The following PHTF2 variants were observed in gnomAD, a reference collection of about 807,000 sequenced individuals.
PHTF2 encodes protein PHTF2.
PHTF2 carries 60 observed loss-of-function variants against 101.2 expected under a neutral mutation model. The observed-to-expected ratio is 0.59, with a 90% CI of 0.48 to 0.73. The LOEUF is 0.73. PHTF2 is among the 30% of genes least tolerant of loss of function. The pLI is 0.00. For synonymous variants in PHTF2, 311 were observed against 307.3 expected (o/e 1.01, Z -0.13); for missense variants, 747 against 908.7 (o/e 0.82, Z 2.29).
chr7:77,839,768 C>G (rs1795727799), intron 1 of PHTF2, among the ~76,000 whole-genome samples: 1 of 152,036 alleles, frequency 6.6e-6, no homozygotes, highest in Admixed American at 6.6e-5. Flanking sequence ...TTTGTGTTTA[C>G]TGAGTGTCAG....
chr7:77,854,053 A>G lies in PHTF2; in HGVS notation c.46-680A>G, dbSNP rs548556437. 3.3e-5 allele frequency among the ~76,000 whole-genome samples: 5 copies of G among 152,224 alleles called. No individual in the cohort carries two copies. In the South Asian group the frequency reaches 1.0e-3, roughly 32 times the overall value. ...GTTAGGTATTTATTGTATTCTTTGT[A>G]TCCTGGGTTTGTTTGTACCTATCCT... On this transcript the variant is annotated intron_variant, in intron 2 of 19. Coordinates refer to ENST00000416283, the Ensembl canonical transcript of PHTF2.
chr7:77,908,508 A>G (rs2150860556), intron 7 of PHTF2, among the ~76,000 whole-genome samples: 1 of 152,288 alleles, frequency 6.6e-6, no homozygotes, highest in East Asian at 1.9e-4. Context: ...TTACTTAGAA[A>G]TGTCCTTTGA....
chr7:77,902,366 T>G (rs1440728903), intron 7 of PHTF2, among the ~76,000 whole-genome samples: 2 of 152,198 alleles, frequency 1.3e-5, no homozygotes, highest in Non-Finnish European at 2.9e-5. Flanking sequence ...GCTTTCTAGA[T>G]TCTCATTTCA....
chr7:77,949,286 CA>C (rs1258113576), intron 16 of PHTF2, among the ~76,000 whole-genome samples: 2 of 150,646 alleles, frequency 1.3e-5, no homozygotes, highest in Non-Finnish European at 3.0e-5. Flanking sequence ...TTAAAATATA[CA>C]AAAAATTATA....
chr7:77,826,034 A>G (rs116967733), intron 1 of PHTF2, among the ~76,000 whole-genome samples: 7,731 of 152,306 alleles, frequency 0.051, 308 homozygotes, highest in Non-Finnish European at 0.075. Context: ...TAGGAAAAAA[A>G]TATGAAATGA....
intron 9 of PHTF2, among the ~76,000 whole-genome samples, chr7:77,916,156 GTTTA>G (rs1276200507): frequency 1.3e-5 from 2 of 151,980 alleles, no homozygotes; most frequent in African/African-American, 4.8e-5. Context: ...CTTGCATTCT[GTTTA>G]TTTTTGTGCA....
At chr7:77,877,318 C>T (rs1379253506) in intron 3 of PHTF2, among the ~76,000 whole-genome samples, 2 of 151,966 alleles carry the variant, frequency 1.3e-5, no homozygotes, top group Admixed American at 6.6e-5. Flanking sequence ...GTCGGTCAGG[C>T]TGGTCTCGAA....
chr7:77,924,610 C>A (rs892315545), intron 11 of PHTF2, among the ~76,000 whole-genome samples: 6 of 152,120 alleles, frequency 3.9e-5, no homozygotes, highest in Non-Finnish European at 7.4e-5. Flanking sequence ...AAGGAAAATT[C>A]TTTGGGGAAG....
At chr7:77,913,663 G>A (rs1463107295) in intron 9 of PHTF2, among the ~76,000 whole-genome samples, 1 of 152,008 alleles carries the variant, frequency 6.6e-6, no homozygotes, top group African/African-American at 2.4e-5. Flanking sequence ...TGCCAAGGCT[G>A]GTCTCAAACT....
intron 12 of PHTF2, among the ~76,000 whole-genome samples, chr7:77,930,973 A>G (rs891638321): frequency 1.3e-5 from 2 of 152,334 alleles, no homozygotes; most frequent in East Asian, 1.9e-4. Flanking sequence ...ACATATAAAC[A>G]TATATACCGA....
rs116651734 is a variant in PHTF2 at position 77,878,847 on chromosome 7, C to A, written c.148-14761C>A. 7.1e-3 allele frequency among the ~76,000 whole-genome samples: 1,083 copies of A among 152,244 alleles called. 18 individuals carry two copies. Among genetic ancestry groups the A allele is most frequent in the African/African-American group, 0.024 (1,011 of 41,536 alleles). On this transcript the variant is annotated intron_variant, in intron 3 of 19. Transcript: ENST00000416283. ...TAATCTCTAAATTAAAGATTTATTT[C>A]TTTAAGTATTAAAAAGGGTGGCTTG...
In PHTF2 at chr7:77,954,133, T is replaced by G. The variant is rs566029902; in HGVS notation, c.2337+239T>G. Among the ~76,000 whole-genome samples the G allele has an allele frequency of 5.3e-5, 8 of 151,930 alleles. No individual in the cohort carries two copies. The South Asian group carries it at 6.2e-4, about 12-fold the overall frequency. On this transcript the variant is annotated intron_variant, in intron 19 of 19. Transcript: ENST00000416283. Reference sequence around the variant, plus strand: ...GTGTAGGATAAGTAGAAGTATTTGGTTTTTTTTATTTTTTATTTTGAGATG... The same window carrying G: ...GTGTAGGATAAGTAGAAGTATTTGGGTTTTTTTATTTTTTATTTTGAGATG...
chr7:77,909,119 C>A (rs1802129016), intron 8 of PHTF2, 161 bp downstream of exon 7: 3 of 500,444 alleles, frequency 6.0e-6, no homozygotes, highest in Admixed American at 7.5e-5. Context: ...GATTTAGTTT[C>A]CATATTTGCT....
intron 16 of PHTF2, among the ~76,000 whole-genome samples, chr7:77,947,016 A>G (rs958118164): frequency 6.6e-6 from 1 of 151,494 alleles, no homozygotes; most frequent in Non-Finnish European, 1.5e-5. Context: ...GCTACTTGGG[A>G]AGCTGAGGTG....
intron 3 of PHTF2, among the ~76,000 whole-genome samples, chr7:77,889,668 G>A (rs1424273083): frequency 1.4e-5 from 2 of 139,260 alleles, no homozygotes; most frequent in African/African-American, 5.5e-5. Context: ...TCGGCTCACT[G>A]CAACCTCCAC....
intron 1 of PHTF2, among the ~76,000 whole-genome samples, chr7:77,824,811 T>C (rs1794579957): frequency 6.6e-6 from 1 of 151,940 alleles, no homozygotes; most frequent in South Asian, 2.1e-4. Context: ...GGTGGGAAGA[T>C]TGTTTGAGAC....
chr7:77,884,142 A>G (rs1221966841), intron 3 of PHTF2, among the ~76,000 whole-genome samples: 2 of 152,200 alleles, frequency 1.3e-5, no homozygotes, highest in Non-Finnish European at 1.5e-5. Flanking sequence ...AAAGCTGGGG[A>G]AAACAAAGTG....
intron 3 of PHTF2, among the ~76,000 whole-genome samples, chr7:77,858,535 A>G (rs1263388610): frequency 6.6e-6 from 1 of 152,166 alleles, no homozygotes; most frequent in Non-Finnish European, 1.5e-5. Context: ...TTTCTTTGAG[A>G]AACAGACCGA....
intron 9 of PHTF2, among the ~76,000 whole-genome samples, chr7:77,912,310 G>C (rs1238069833): frequency 6.6e-6 from 1 of 152,166 alleles, no homozygotes; most frequent in Admixed American, 6.5e-5. Context: ...TGGTTTGCTA[G>C]CATATGAATG....
Sources: allele counts gnomAD v4.1 joint callset (sites outside exome capture counted in the v4.1 genomes callset), GRCh38; gene constraint gnomAD v4.1.1; transcripts MANE v1.5; gene names NCBI Gene and HGNC (gene_info 2026-07-23, HGNC 2026-07-21).